Variants in ANKRD11 observed in about 807,000 individuals in gnomAD.
The protein encoded by ANKRD11 is ankyrin repeat domain-containing protein 11.
In ANKRD11, 17 loss-of-function variants were observed where a neutral mutation model predicts 195.7. That is an observed-to-expected ratio of 0.09 (90% CI 0.06 to 0.13). The LOEUF (loss-of-function observed/expected upper bound fraction) is 0.13. Among genes scored for constraint, ANKRD11 ranks in the 10% least tolerant of loss-of-function variants. ANKRD11 has a pLI of 1.00. For synonymous variants in ANKRD11, 1,953 were observed against 1,528.1 expected (o/e 1.28, Z -6.49); for missense variants, 3,735 against 3,566.1 (o/e 1.05, Z -1.21).
At chr16:89,361,762 C>T (rs781418558) in intron 2 of ANKRD11, 2 of 152,170 alleles carry the variant, frequency 1.3e-5, no homozygotes, top group Non-Finnish European at 2.9e-5. Flanking sequence ...AGATAAATGT[C>T]TCTAAGGACT....
At position 89,347,349 on chromosome 16, in the gene ANKRD11, C is replaced by A. The variant is rs1203646160; in HGVS notation, c.-59-30271G>T. Among the ~76,000 whole-genome samples, 4 of 152,292 alleles carry A rather than the reference C, an allele frequency of 2.6e-5. No homozygotes were observed. The East Asian group carries it at 7.7e-4, about 29-fold the overall frequency. On this transcript the variant is annotated intron_variant, in intron 2 of 12. Transcript: ENST00000301030. The stretch of plus-strand genomic sequence containing the variant: ...GTTCGGCCGGGCACACTGGCTCATG[C>A]CTGTAATCCCAGCACTTTGAGAGGC...
intron 1 of ANKRD11, among the ~76,000 whole-genome samples, chr16:89,480,285 G>C (rs1597545243): frequency 4.0e-5 from 6 of 151,672 alleles, no homozygotes; most frequent in Admixed American, 3.9e-4. Context: ...GACCATTCTG[G>C]CTAACATGGC....
intron 2 of ANKRD11, among the ~76,000 whole-genome samples, chr16:89,376,284 C>A (rs1376643258): frequency 3.3e-5 from 5 of 152,086 alleles, no homozygotes; most frequent in Admixed American, 3.3e-4. Flanking sequence ...GAAGTGGATG[C>A]CAGCAAAGGA....
Position 89,316,963 on chromosome 16 carries a change from G to A in ANKRD11, c.57C>T (p.Ser19=), listed in dbSNP as rs997800940. 5.0e-6 allele frequency: 8 copies of A among 1,613,840 alleles called. No individual in the cohort carries two copies. The highest frequency in any genetic ancestry group is 2.7e-5 in the African/African-American group (2 of 75,030). The part of the protein sequence containing the change: ...APQQEELPLS[S]DMVEKQTGKK... ...TCCCAGTCTGCTTCTCCACCATGTC[G>A]CTGCTGAGGGGAAGCTCTTCCTGCT... Residue 19 remains serine (S), a synonymous_variant, in exon 3 of 13, where the codon AGC becomes AGT. Transcript: ENST00000301030.
intron 2 of ANKRD11, among the ~76,000 whole-genome samples, chr16:89,334,372 C>CTG (rs1431993455): frequency 5.3e-5 from 8 of 151,982 alleles, no homozygotes; most frequent in African/African-American, 1.7e-4. Flanking sequence ...TGAACAGAAA[C>CTG]AACCTCCTCT....
chr16:89,410,372 G>C (rs558898606), intron 2 of ANKRD11, among the ~76,000 whole-genome samples: 1 of 152,290 alleles, frequency 6.6e-6, no homozygotes, highest in South Asian at 2.1e-4. Flanking sequence ...TTTAAACAAA[G>C]GCTGACTGTA....
chr16:89,428,723 G>A (rs555490686), intron 1 of ANKRD11, among the ~76,000 whole-genome samples: 42 of 150,598 alleles, frequency 2.8e-4, no homozygotes, highest in Admixed American at 1.2e-3. Flanking sequence ...GTGAAACCCC[G>A]TCTCCACTAA....
At chr16:89,356,359 T>G (rs1204556252) in intron 2 of ANKRD11, among the ~76,000 whole-genome samples, 2 of 151,764 alleles carry the variant, frequency 1.3e-5, no homozygotes, top group South Asian at 2.1e-4. Context: ...AAGGATGTGA[T>G]CCATCAGCCA....
rs551578053 is a variant in ANKRD11, at chr16:89,419,784, TTCC to T, written c.-144-1419_-144-1417del. Among the ~76,000 whole-genome samples, 25 of 150,764 alleles carry T rather than the reference TTCC, an allele frequency of 1.7e-4. No individual in the cohort carries two copies. The South Asian group carries it at 5.2e-3, about 31-fold the overall frequency. Reference sequence around the variant, plus strand: ...GTTTTGCAAAGATGGAGTGAGGTTTTTCCTCCTTACACTCCTGGAAGATGGAGT... The same window carrying T: ...GTTTTGCAAAGATGGAGTGAGGTTTTTCCTTACACTCCTGGAAGATGGAGT... On this transcript the variant is annotated intron_variant, in intron 1 of 12. Coordinates refer to ENST00000301030, the MANE Select transcript of ANKRD11 (RefSeq NM_013275.6).
At position 89,273,240 on chromosome 16, in the gene ANKRD11, C is replaced by T. The variant is rs79474817; in HGVS notation, c.7713+1574G>A. 7.6e-3 allele frequency among the ~76,000 whole-genome samples: 1,151 copies of T among 152,212 alleles called. 15 individuals are homozygous for T. The highest frequency in any genetic ancestry group is 0.026 in the African/African-American group (1,071 of 41,522). On this transcript the variant is annotated intron_variant, in intron 11 of 12. Coordinates refer to ENST00000301030, the MANE Select transcript of ANKRD11 (RefSeq NM_013275.6). ...TGGAGAAATAAAGAGGGAAGTAATGCTTCCTTGGAAGGTGTTAGAGGCACG... is the reference window on the plus strand; with the variant it reads ...TGGAGAAATAAAGAGGGAAGTAATGTTTCCTTGGAAGGTGTTAGAGGCACG...
At chr16:89,408,995 C>A (rs1455472821) in intron 2 of ANKRD11, among the ~76,000 whole-genome samples, 1 of 152,176 alleles carries the variant, frequency 6.6e-6, no homozygotes, top group African/African-American at 2.4e-5. Context: ...GCGGCCCCAA[C>A]CCTGCCTCTG....
chr16:89,441,752 GC>G (rs2043499248), intron 1 of ANKRD11, among the ~76,000 whole-genome samples: 1 of 112,078 alleles, frequency 8.9e-6, no homozygotes, highest in Admixed American at 1.2e-4. Context: ...GGGCAACAGA[GC>G]GAGACTCCGC....
chr16:89,362,527 G>A (rs148151968), intron 2 of ANKRD11, among the ~76,000 whole-genome samples: 12 of 152,334 alleles, frequency 7.9e-5, no homozygotes, highest in Admixed American at 2.0e-4. Context: ...GATACTGGGC[G>A]GAGCACACAT....
intron 1 of ANKRD11, among the ~76,000 whole-genome samples, chr16:89,485,734 T>C (rs1053081475): frequency 1.3e-5 from 2 of 152,078 alleles, no homozygotes; most frequent in East Asian, 1.9e-4. Context: ...AAAAAATCAA[T>C]AGGGCACACC....
At position 89,289,372 on chromosome 16, in the gene ANKRD11, G is replaced by T. The variant is rs554814874; in HGVS notation, c.602-702C>A. Among the ~76,000 whole-genome samples the T allele has an allele frequency of 4.6e-5, 7 of 152,346 alleles. No homozygotes were observed. In the South Asian group the frequency reaches 1.4e-3, roughly 32 times the overall value. The stretch of plus-strand genomic sequence containing the variant: ...AAATCTAGAAGGATTCTACACACAC[G>T]ATTTTGCTCATCTGTTCCCCTTACA... On this transcript the variant is annotated intron_variant, in intron 6 of 12. Transcript: ENST00000301030.
In ANKRD11 at chr16:89,291,735, T is replaced by C; in HGVS notation, c.227-552A>G. 1.6e-6 allele frequency: 2 copies of C among 1,289,836 alleles called. No individual in the cohort carries two copies. Among genetic ancestry groups the C allele is most frequent in the Non-Finnish European group, 2.0e-6 (2 of 988,876 alleles). 79.9% of individuals were successfully genotyped at this position (1,289,836 alleles called of 1,614,324 possible). A position where few individuals can be genotyped will look rare whatever the true frequency, so the allele number is the denominator to read the frequency against. ...TCATGCCATGGTGCTTCGAGGAGCGTACCAGCCTTGCAGCACCACAACAGG... is the reference window on the plus strand; with the variant it reads ...TCATGCCATGGTGCTTCGAGGAGCGCACCAGCCTTGCAGCACCACAACAGG... On this transcript the variant is annotated intron_variant, in intron 4 of 12. Transcript: ENST00000301030. This position sits in a 1 kb window ranked among gnomAD's most constrained non-coding sequence, Gnocchi z 5.3.
chr16:89,323,872 C>T lies in ANKRD11; in HGVS notation c.-59-6794G>A, dbSNP rs145155008. The T allele has an allele frequency of 1.7e-3, 380 of 217,592 alleles. 2 individuals carry two copies. The highest frequency in any genetic ancestry group is 8.9e-3 in the African/African-American group (376 of 42,110). 13.5% of individuals were successfully genotyped at this position (217,592 alleles called of 1,614,324 possible). On this transcript the variant is annotated intron_variant, in intron 2 of 12. Coordinates refer to ENST00000301030, the MANE Select transcript of ANKRD11 (RefSeq NM_013275.6). ...CCTAACATGGGTGTCCTCCGTCTCA[C>T]CCCATAAGCCACACTGGCCAAGGCC...
chr16:89,483,435 G>T (rs905930867), intron 1 of ANKRD11, among the ~76,000 whole-genome samples: 2 of 152,210 alleles, frequency 1.3e-5, no homozygotes, highest in Non-Finnish European at 2.9e-5. Context: ...TACCTGAACT[G>T]TAAGTGCAAG....
At position 89,370,430 on chromosome 16, in the gene ANKRD11, C is replaced by T. The variant is rs570119512; in HGVS notation, c.-60+47854G>A. On this transcript the variant is annotated intron_variant, in intron 2 of 12. Coordinates refer to ENST00000301030, the MANE Select transcript of ANKRD11 (RefSeq NM_013275.6). ...CCTACAGGATCCTGAGCCCTCCTGC[C>T]GTTATCCAGGGCAAAGATGGCAAAT... is the stretch of plus-strand genomic sequence containing the variant. Among the ~76,000 whole-genome samples the T allele has an allele frequency of 7.2e-5, 11 of 152,270 alleles. No individual in the cohort carries two copies. The East Asian group carries it at 2.1e-3, about 29-fold the overall frequency.
Sources: gnomAD v4.1 joint callset for allele counts (sites outside exome capture counted in the v4.1 genomes callset) on GRCh38, gnomAD v4.1.1 for gene constraint, Gnocchi (gnomAD v3.1) non-coding constraint, MANE v1.5 for transcripts, NCBI Gene and HGNC (gene_info 2026-07-23, HGNC 2026-07-21) for gene names.